Variants in COX7B2 observed in about 807,000 individuals in gnomAD.
COX7B2 encodes the protein cytochrome c oxidase subunit 7B2.
For synonymous variants in COX7B2, 37 were observed against 32.1 expected, an observed-to-expected ratio of 1.15 and a Z score of -0.51; for missense variants, 109 against 95.9, an observed-to-expected ratio of 1.14 and a Z score of -0.57.
At chr4:46,796,406 C>T (rs1221873622) in intron 2 of COX7B2, among the ~76,000 whole-genome samples, 31 of 145,320 alleles carry the variant, frequency 2.1e-4, no homozygotes, top group Admixed American at 1.5e-3. Flanking sequence ...CATCTCACAC[C>T]GGTTAGAATG....
intron 2 of COX7B2, among the ~76,000 whole-genome samples, chr4:46,774,663 C>A (rs1032377170): frequency 2.6e-5 from 4 of 151,562 alleles, no homozygotes; most frequent in African/African-American, 9.7e-5. Flanking sequence ...TTATTTTTTT[C>A]TCTTTCTCTG....
intron 2 of COX7B2, among the ~76,000 whole-genome samples, chr4:46,840,019 C>T (rs1715822646): frequency 6.6e-6 from 1 of 152,018 alleles, no homozygotes; most frequent in African/African-American, 2.4e-5. Flanking sequence ...AAGGCTTCAA[C>T]ACAACCTGAG....
chr4:46,900,609 TC>T (rs1720023878), intron 1 of COX7B2, among the ~76,000 whole-genome samples: 1 of 152,110 alleles, frequency 6.6e-6, no homozygotes, highest in African/African-American at 2.4e-5. Flanking sequence ...ATGTTTGTGT[TC>T]CCCCCAAAAT....
chr4:46,754,720 G>GTATATATA (rs1244503006), intron 2 of COX7B2, among the ~76,000 whole-genome samples: 21 of 36,846 alleles, frequency 5.7e-4, no homozygotes, highest in African/African-American at 2.2e-3. Flanking sequence ...GTGTGTGTGT[G>GTATATATA]TGTGTGTGTA....
chr4:46,883,382 T>TG (rs869185868), intron 1 of COX7B2, among the ~76,000 whole-genome samples: 3 of 35,878 alleles, frequency 8.4e-5, no homozygotes, highest in African/African-American at 2.6e-4. Flanking sequence ...CCTTTCTGTA[T>TG]TTTTTTTTAA....
At chr4:46,809,333 T>C (rs1193239743) in intron 2 of COX7B2, among the ~76,000 whole-genome samples, 3 of 151,806 alleles carry the variant, frequency 2.0e-5, no homozygotes, top group African/African-American at 7.2e-5. Flanking sequence ...TCTAGTTTGT[T>C]CTTTTTCTAG....
At chr4:46,861,265 A>G (rs868744717) in intron 1 of COX7B2, among the ~76,000 whole-genome samples, 16 of 150,694 alleles carry the variant, frequency 1.1e-4, no homozygotes, top group African/African-American at 3.7e-4. Context: ...TCCACTGCCC[A>G]CTCATATCTC....
At chr4:46,754,536 G>T (rs1715628553) in intron 2 of COX7B2, among the ~76,000 whole-genome samples, 1 of 82,486 alleles carries the variant, frequency 1.2e-5, no homozygotes, top group South Asian at 6.4e-4. Context: ...ACACAGGAAG[G>T]GGTGGGGGGT....
intron 2 of COX7B2, among the ~76,000 whole-genome samples, chr4:46,775,231 T>C (rs1717090844): frequency 6.6e-6 from 1 of 152,110 alleles, no homozygotes; most frequent in South Asian, 2.1e-4. Context: ...ACTTCCAGTA[T>C]GTTATGAAAA....
At chr4:46,855,008 T>G (rs1560421586) in intron 1 of COX7B2, among the ~76,000 whole-genome samples, 1 of 152,204 alleles carries the variant, frequency 6.6e-6, no homozygotes, top group Non-Finnish European at 1.5e-5. Context: ...GTCATAGAAT[T>G]TTAAATTAAT....
At chr4:46,817,075 AG>A (rs1337067759) in intron 2 of COX7B2, among the ~76,000 whole-genome samples, 1 of 152,224 alleles carries the variant, frequency 6.6e-6, no homozygotes, top group Non-Finnish European at 1.5e-5. Flanking sequence ...AAGAAAAAAG[AG>A]GATAGAGTCA....
At chr4:46,791,575 A>G (rs1718049410) in intron 2 of COX7B2, among the ~76,000 whole-genome samples, 1 of 152,210 alleles carries the variant, frequency 6.6e-6, no homozygotes, top group Non-Finnish European at 1.5e-5. Context: ...AGTGACCAGG[A>G]ACCTCCAAAA....
chr4:46,762,202 A>T, intron 2 of COX7B2, among the ~76,000 whole-genome samples: 1 of 144,212 alleles, frequency 6.9e-6, no homozygotes, highest in Non-Finnish European at 1.5e-5. Flanking sequence ...GTATAATTAT[A>T]ATATACATTT....
chr4:46,820,834 A>AT (rs1553889360), intron 2 of COX7B2, among the ~76,000 whole-genome samples: 2,367 of 129,088 alleles, frequency 0.018, 18 homozygotes, highest in South Asian at 0.034. Context: ...AAAAAAAAAA[A>AT]ATATATATAT....
Position 46,734,954 on chromosome 4 carries a change from T to C in COX7B2, c.239A>G (p.His80Arg). 1.9e-6 allele frequency: 3 copies of C among 1,614,088 alleles called. No homozygotes were observed. Among genetic ancestry groups the C allele is most frequent in the South Asian group, 1.1e-5 (1 of 91,068 alleles). The part of the protein sequence containing the change: ...VGRVTPKEWK[H>R]Q Reference sequence around the variant, plus strand: ...TTACAGCAACTGTGATGGTTACTGATGTTTCCACTCTTTTGGGGTAACTCT... The same window carrying C: ...TTACAGCAACTGTGATGGTTACTGACGTTTCCACTCTTTTGGGGTAACTCT... Residue 80 changes from histidine to arginine, a missense_variant, in exon 3 of 3, where the codon CAT (histidine) becomes CGT (arginine). By Grantham distance (29) the His-to-Arg change is conservative (BLOSUM62 0). Coordinates refer to ENST00000355591, the MANE Select transcript of COX7B2 (RefSeq NM_130902.3).
At chr4:46,904,315 A>T (rs10027692) in intron 1 of COX7B2, among the ~76,000 whole-genome samples, 36,920 of 152,006 alleles carry the variant, frequency 0.24, 4,688 homozygotes, top group East Asian at 0.29. Context: ...AAAAGATTCA[A>T]CTCCATCATA....
chr4:46,849,740 GGTTA>G (rs1349854560), intron 1 of COX7B2, among the ~76,000 whole-genome samples: 1 of 151,960 alleles, frequency 6.6e-6, no homozygotes, highest in African/African-American at 2.4e-5. Flanking sequence ...ACAACGTGCA[GGTTA>G]GTTACACATG....
At chr4:46,749,600 T>A (rs10001484) in intron 2 of COX7B2, among the ~76,000 whole-genome samples, 49,551 of 151,814 alleles carry the variant, frequency 0.33, 8,288 homozygotes, top group South Asian at 0.47. Context: ...TTAGTTTGCA[T>A]CTGAAGTACA....
At chr4:46,888,500 G>A (rs1461425674) in intron 1 of COX7B2, among the ~76,000 whole-genome samples, 1 of 151,154 alleles carries the variant, frequency 6.6e-6, no homozygotes, top group Admixed American at 6.6e-5. Context: ...CTGGAGTGCA[G>A]TGGCGCGATC....
Sources: allele counts gnomAD v4.1 joint callset (sites outside exome capture counted in the v4.1 genomes callset), GRCh38; gene constraint gnomAD v4.1.1; transcripts MANE v1.5; gene names NCBI Gene and HGNC (gene_info 2026-07-23, HGNC 2026-07-21).